The following RCAN2 variants were observed in gnomAD, a reference collection of about 807,000 sequenced individuals.
The protein encoded by RCAN2 is calcipressin-2.
In RCAN2, 9 loss-of-function variants were observed where a neutral mutation model predicts 23.6. The ratio of observed to expected loss-of-function variants is 0.38; its 90% CI spans 0.23 to 0.67. The LOEUF is 0.67. Ranked by LOEUF, RCAN2 falls within the 30% of genes least tolerant of loss-of-function variation. The probability of loss-of-function intolerance (pLI) is 0.51; values close to 1 mark genes in which losing one functional copy is unlikely to be tolerated. For missense variants in RCAN2, 273 were observed against 302.3 expected, an observed-to-expected ratio of 0.90 and a Z score of 0.72; for synonymous variants, 109 against 115.7, an observed-to-expected ratio of 0.94 and a Z score of 0.37.
At chr6:46,314,638 G>A (rs537646574) in intron 2 of RCAN2, among the ~76,000 whole-genome samples, 1 of 152,202 alleles carries the variant, frequency 6.6e-6, no homozygotes, top group African/African-American at 2.4e-5. Context: ...TTATAGTTAA[G>A]CATTACTGCG....
chr6:46,321,336 G>T (rs1242088296), intron 2 of RCAN2, among the ~76,000 whole-genome samples: 1 of 152,212 alleles, frequency 6.6e-6, no homozygotes, highest in Non-Finnish European at 1.5e-5. Context: ...TGCTCCGTGA[G>T]GGCAGGGACG....
intron 2 of RCAN2, among the ~76,000 whole-genome samples, chr6:46,321,374 T>C (rs1042921891): frequency 2.6e-5 from 4 of 152,238 alleles, no homozygotes; most frequent in African/African-American, 9.6e-5. Flanking sequence ...CCTAGAGCAT[T>C]GCCTGGTAGG....
At chr6:46,294,552 G>A (rs114643526) in intron 2 of RCAN2, among the ~76,000 whole-genome samples, 3,474 of 152,060 alleles carry the variant, frequency 0.023, 71 homozygotes, top group Non-Finnish European at 0.036. Flanking sequence ...AACAATAGAG[G>A]AGTGGTTAAA....
intron 4 of RCAN2, 146 bp downstream of exon 4, chr6:46,246,602 A>G (rs1766521821): frequency 1.5e-6 from 1 of 684,628 alleles, no homozygotes; most frequent in Admixed American, 3.1e-5. Context: ...CTCATCCATC[A>G]TTCCCTCTCA....
At chr6:46,225,525 G>A (rs1029654045) in intron 4 of RCAN2, among the ~76,000 whole-genome samples, 2 of 152,194 alleles carry the variant, frequency 1.3e-5, no homozygotes, top group African/African-American at 4.8e-5. Context: ...GCATTTCTCT[G>A]ATGGCCAGTG....
chr6:46,233,724 T>C (rs1251283253), intron 4 of RCAN2, among the ~76,000 whole-genome samples: 2 of 149,634 alleles, frequency 1.3e-5, no homozygotes, highest in African/African-American at 5.0e-5. Flanking sequence ...AACACTTCTT[T>C]TTTTTTTTTT....
chr6:46,365,041 C>T (rs1386120385), intron 2 of RCAN2, among the ~76,000 whole-genome samples: 1 of 152,182 alleles, frequency 6.6e-6, no homozygotes, highest in Non-Finnish European at 1.5e-5. Context: ...CTTCCTAAAA[C>T]TGCAGCCCTA....
chr6:46,368,007 C>T (rs543630721), intron 2 of RCAN2, among the ~76,000 whole-genome samples: 2 of 152,308 alleles, frequency 1.3e-5, no homozygotes, highest in Non-Finnish European at 1.5e-5. Context: ...AGCTGTTTAG[C>T]TTCCAGTCTA....
intron 4 of RCAN2, among the ~76,000 whole-genome samples, chr6:46,244,209 G>A (rs1238571834): frequency 6.6e-6 from 1 of 152,190 alleles, no homozygotes; most frequent in African/African-American, 2.4e-5. Flanking sequence ...TAAAAGGCGT[G>A]TATTTTTAAC....
intron 2 of RCAN2, among the ~76,000 whole-genome samples, chr6:46,268,302 A>G (rs1767408890): frequency 6.6e-6 from 1 of 152,212 alleles, no homozygotes; most frequent in African/African-American, 2.4e-5. Context: ...TAACTCCACA[A>G]AATTGAACTT....
chr6:46,477,412 A>C (rs1346159724), intron 1 of RCAN2, among the ~76,000 whole-genome samples: 2 of 152,182 alleles, frequency 1.3e-5, no homozygotes, highest in African/African-American at 4.8e-5. Flanking sequence ...TAAAAACCAC[A>C]GATGTTGTGT....
intron 2 of RCAN2, among the ~76,000 whole-genome samples, chr6:46,381,802 T>C (rs1475884131): frequency 6.6e-6 from 1 of 152,086 alleles, no homozygotes; most frequent in African/African-American, 2.4e-5. Context: ...CTCAAGCCCT[T>C]TTTTGGCATT....
intron 2 of RCAN2, among the ~76,000 whole-genome samples, chr6:46,398,249 CTTTT>C (rs1766149218): frequency 6.6e-6 from 1 of 152,002 alleles, no homozygotes. Flanking sequence ...TGTTTTTCTT[CTTTT>C]GACATCTAAA....
intron 4 of RCAN2, among the ~76,000 whole-genome samples, chr6:46,231,724 G>T (rs1241817534): frequency 2.0e-5 from 3 of 152,008 alleles, no homozygotes; most frequent in East Asian, 3.9e-4. Flanking sequence ...GTTGCATTTT[G>T]TTATGGCAAC....
intron 2 of RCAN2, among the ~76,000 whole-genome samples, chr6:46,383,054 A>G (rs1765651686): frequency 1.3e-5 from 2 of 152,210 alleles, no homozygotes; most frequent in Admixed American, 6.5e-5. Flanking sequence ...TAGGAGAGAC[A>G]AATGAATTTC....
At chr6:46,434,215 G>A (rs1767300374) in intron 2 of RCAN2, among the ~76,000 whole-genome samples, 1 of 152,206 alleles carries the variant, frequency 6.6e-6, no homozygotes, top group South Asian at 2.1e-4. Context: ...TAAAAGTGCT[G>A]AGCCTAACCA....
At chr6:46,430,037 T>C (rs1050911854) in intron 2 of RCAN2, among the ~76,000 whole-genome samples, 2 of 152,190 alleles carry the variant, frequency 1.3e-5, no homozygotes, top group African/African-American at 4.8e-5. Context: ...ATACTGACCT[T>C]CATCCTGAAA....
chr6:46,414,049 G>A (rs1232580113), intron 2 of RCAN2, among the ~76,000 whole-genome samples: 1 of 152,046 alleles, frequency 6.6e-6, no homozygotes, highest in African/African-American at 2.4e-5. Flanking sequence ...GGGAGTAATG[G>A]GCCAATCTGT....
At chr6:46,369,645 T>C (rs569507565) in intron 2 of RCAN2, among the ~76,000 whole-genome samples, 101 of 152,276 alleles carry the variant, frequency 6.6e-4, no homozygotes, top group Non-Finnish European at 1.1e-3. Flanking sequence ...TTGCAACATT[T>C]GCAATTGCAA....
Sources: gnomAD v4.1 joint callset for allele counts (sites outside exome capture counted in the v4.1 genomes callset) on GRCh38, gnomAD v4.1.1 for gene constraint, MANE v1.5 for transcripts, NCBI Gene and HGNC (gene_info 2026-07-23, HGNC 2026-07-21) for gene names.